ZMYM4: variants seen among roughly 807,000 people sequenced by gnomAD.
The protein encoded by ZMYM4 is zinc finger MYM-type containing 4.
Under a neutral mutation model 183.2 loss-of-function variants are expected in ZMYM4, and 31 were observed. That is an observed-to-expected ratio of 0.17 (90% confidence interval 0.13 to 0.23). The LOEUF (loss-of-function observed/expected upper bound fraction) is 0.23. Among genes scored for constraint, ZMYM4 ranks in the 10% least tolerant of loss-of-function variants. ZMYM4 has a pLI of 1.00. For synonymous variants in ZMYM4, 592 were observed against 631.2 expected (o/e 0.94, Z 0.93); for missense variants, 1,273 against 1,840.3 (o/e 0.69, Z 5.64).
intron 28 of ZMYM4, among the ~76,000 whole-genome samples, chr1:35,416,557 TTTTA>T (rs561230677): frequency 6.6e-5 from 10 of 151,940 alleles, no homozygotes; most frequent in Admixed American, 1.3e-4. Flanking sequence ...CTCAATTGAT[TTTTA>T]TTTATTTATT....
At position 35,373,544 on chromosome 1, in the gene ZMYM4, ATTTTTTTTTTTTTTTT is replaced by A. The variant is rs202022428; in HGVS notation, c.1181+2924_1181+2939del. On this transcript the variant is annotated intron_variant, in intron 7 of 29. Coordinates refer to ENST00000314607, the MANE Select transcript of ZMYM4 (RefSeq NM_005095.3). ...AGGCATCCGCCACCATGCACAGCTA[ATTTTTTTTTTTTTTTT>A]TTTTTTGTATTTTCAGTAGAGATGG... is the stretch of plus-strand genomic sequence containing the variant. 2.9e-3 allele frequency among the ~76,000 whole-genome samples: 361 copies of A among 122,814 alleles called. 1 individual carries two copies. Among genetic ancestry groups the A allele is most frequent in the African/African-American group, 9.9e-3 (319 of 32,348 alleles). The allele number at this position is 122,814 out of a possible 152,430, so 80.6% of individuals were successfully genotyped here.
Position 35,389,481 on chromosome 1 carries a change from G to A in ZMYM4, c.2436+399G>A, listed in dbSNP as rs192487347. The stretch of plus-strand genomic sequence containing the variant: ...AAAATTAGTATAAAATCAGCTGGGC[G>A]CGGTGGCTCACGCCTGTAATCCCAG... On this transcript the variant is annotated intron_variant, in intron 14 of 29. Transcript: ENST00000314607. This position sits in a 1 kb window ranked among gnomAD's most constrained non-coding sequence, Gnocchi z 4.0. Among the ~76,000 whole-genome samples, 7 of 152,148 alleles carry A rather than the reference G, an allele frequency of 4.6e-5. No individual in the cohort carries two copies. Among genetic ancestry groups the A allele is most frequent in the African/African-American group, 9.6e-5 (4 of 41,506 alleles).
intron 2 of ZMYM4, among the ~76,000 whole-genome samples, chr1:35,334,854 A>G (rs1642905774): frequency 6.6e-6 from 1 of 152,174 alleles, no homozygotes; most frequent in African/African-American, 2.4e-5. Context: ...TGACACTTAA[A>G]CATTTTGGTA....
Position 35,385,599 on chromosome 1 carries a change from T to C in ZMYM4, c.1720+7T>C, listed in dbSNP as rs1644558123. The C allele has an allele frequency of 3.2e-6, 5 of 1,580,560 alleles. No homozygotes were observed. The highest frequency in any genetic ancestry group is 4.3e-6 in the Non-Finnish European group (5 of 1,168,426). ...AAAATGGTTACTTCTGCAGGTAATA[T>C]TGGTTTCACAAACTATGAAATGCAA... On this transcript the variant is annotated splice_region_variant and intron_variant, in intron 10 of 29. Transcript: ENST00000314607.
At chr1:35,373,719 A>G (rs1644270549) in intron 7 of ZMYM4, among the ~76,000 whole-genome samples, 1 of 151,124 alleles carries the variant, frequency 6.6e-6, no homozygotes, top group Non-Finnish European at 1.5e-5. Context: ...TTATATGTTT[A>G]GTAGAGGCAG....
intron 2 of ZMYM4, among the ~76,000 whole-genome samples, chr1:35,355,579 A>C (rs1643793078): frequency 6.6e-6 from 1 of 152,154 alleles, no homozygotes; most frequent in Non-Finnish European, 1.5e-5. Context: ...GATATGAAAT[A>C]AAACCTTTTA....
chr1:35,310,318 A>C, intron 1 of ZMYM4: 1 of 251,088 alleles, frequency 4.0e-6, no homozygotes, highest in Non-Finnish European at 7.7e-6. Context: ...TAAAAGGTAT[A>C]AGCTCACAAG....
intron 28 of ZMYM4, 71 bp from the exon 29 acceptor site, chr1:35,418,372 C>T: frequency 6.5e-7 from 1 of 1,536,700 alleles, no homozygotes. Context: ...AAGCAAAGCT[C>T]ATTGGTGTCT....
chr1:35,350,379 C>T (rs989947898), intron 2 of ZMYM4, among the ~76,000 whole-genome samples: 1 of 152,054 alleles, frequency 6.6e-6, no homozygotes. Flanking sequence ...ACCTCTACCT[C>T]CCAGGTTCAA....
chr1:35,366,272 T>G (rs1374155339), intron 5 of ZMYM4, among the ~76,000 whole-genome samples: 1 of 152,158 alleles, frequency 6.6e-6, no homozygotes, highest in Non-Finnish European at 1.5e-5. Flanking sequence ...TTAGAATAGA[T>G]TTTTTCTTGA....
chr1:35,396,589 A>T lies in ZMYM4; in HGVS notation c.2949A>T (p.Pro983=), dbSNP rs1193713099. 6 of 1,613,782 alleles carry T rather than the reference A, an allele frequency of 3.7e-6. No individual in the cohort carries two copies. Among genetic ancestry groups the T allele is most frequent in the Non-Finnish European group, 5.1e-6 (6 of 1,179,834 alleles). The part of the protein sequence containing the change: ...TPSQPQIIVV[P]VPVPVFVPIP... ...GTCAGCCCCAGATTATTGTGGTGCC[A>T]GTTCCCGTACCAGTGTTTGTTCCCA... Residue 983 remains proline (P), a synonymous_variant, in exon 19 of 30, where the codon CCA becomes CCT. Coordinates refer to ENST00000314607, the MANE Select transcript of ZMYM4 (RefSeq NM_005095.3).
chr1:35,372,915 T>G (rs1458505922), intron 7 of ZMYM4, among the ~76,000 whole-genome samples: 2 of 152,150 alleles, frequency 1.3e-5, no homozygotes, highest in Non-Finnish European at 2.9e-5. Context: ...CCCAGCACTT[T>G]GGGAGGCTAA....
At chr1:35,294,096 C>T (rs1009549422) in intron 1 of ZMYM4, among the ~76,000 whole-genome samples, 1 of 150,928 alleles carries the variant, frequency 6.6e-6, no homozygotes, top group Non-Finnish European at 1.5e-5. Flanking sequence ...GATTGCGCCA[C>T]TGCACTCCAG....
At chr1:35,406,720 A>C (rs1163518771) in intron 25 of ZMYM4, among the ~76,000 whole-genome samples, 2 of 152,174 alleles carry the variant, frequency 1.3e-5, no homozygotes, top group African/African-American at 2.4e-5. Flanking sequence ...TGAAAAAGTC[A>C]AACATGGTCG....
At chr1:35,296,848 T>TTTTTTC (rs1641042105) in intron 1 of ZMYM4, among the ~76,000 whole-genome samples, 7 of 141,578 alleles carry the variant, frequency 4.9e-5, no homozygotes, top group African/African-American at 1.6e-4. Flanking sequence ...TCTTTCTTTT[T>TTTTTTC]TTTTTTTTTT....
At chr1:35,402,902 C>CTAACTAATATT (rs1187089555) in intron 23 of ZMYM4, among the ~76,000 whole-genome samples, 1 of 152,068 alleles carries the variant, frequency 6.6e-6, no homozygotes, top group African/African-American at 2.4e-5. Context: ...ATCTTCAGTA[C>CTAACTAATATT]AATGTTGAAT....
At chr1:35,340,993 C>T (rs1442218336) in intron 2 of ZMYM4, among the ~76,000 whole-genome samples, 4 of 152,010 alleles carry the variant, frequency 2.6e-5, no homozygotes, top group African/African-American at 9.7e-5. Flanking sequence ...TATCACTGAA[C>T]TGAATTAGCA....
At chr1:35,399,178 C>A in intron 22 of ZMYM4, 135 bp downstream of exon 22, 1 of 934,576 alleles carries the variant, frequency 1.1e-6, no homozygotes, top group Non-Finnish European at 1.6e-6. Flanking sequence ...TAATCTAGAG[C>A]ACAAATAGAC....
At chr1:35,337,224 T>C (rs958236596) in intron 2 of ZMYM4, among the ~76,000 whole-genome samples, 1 of 151,944 alleles carries the variant, frequency 6.6e-6, no homozygotes, top group Non-Finnish European at 1.5e-5. Flanking sequence ...TAGCTGGATG[T>C]GATGTTGCAC....
Sources: gnomAD v4.1 joint callset for allele counts (sites outside exome capture counted in the v4.1 genomes callset) on GRCh38, gnomAD v4.1.1 for gene constraint, Gnocchi (gnomAD v3.1) non-coding constraint, MANE v1.5 for transcripts, NCBI Gene and HGNC (gene_info 2026-07-23, HGNC 2026-07-21) for gene names.